Variants in RHOBTB2 observed in about 807,000 individuals in gnomAD.
RHOBTB2 encodes the protein Rho related BTB domain containing 2, also known as rho-related BTB domain-containing protein 2.
Under a neutral mutation model 66.5 loss-of-function variants are expected in RHOBTB2, and 39 were observed. The observed-to-expected ratio is 0.59, with a 90% CI of 0.45 to 0.77. RHOBTB2 has a LOEUF of 0.77. Among genes scored for constraint, RHOBTB2 ranks in the 30% least tolerant of loss-of-function variants. The pLI, the probability that RHOBTB2 is intolerant of heterozygous loss-of-function variation, is 0.00. For synonymous variants in RHOBTB2, 390 were observed against 395.0 expected (o/e 0.99, Z 0.15); for missense variants, 755 against 999.1 (o/e 0.76, Z 3.29).
intron 1 of RHOBTB2, among the ~76,000 whole-genome samples, chr8:22,988,274 C>T (rs764029436): frequency 1.9e-4 from 28 of 150,330 alleles, no homozygotes; most frequent in Non-Finnish European, 3.1e-4. Flanking sequence ...ATTCTCCTGC[C>T]TTAGCCTCCC....
chr8:23,017,535 C>T lies in RHOBTB2; in HGVS notation c.*66C>T, dbSNP rs575807643. The T allele has an allele frequency of 8.4e-6, 13 of 1,542,724 alleles. No individual in the cohort carries two copies. The highest frequency in any genetic ancestry group is 5.5e-5 in the African/African-American group (4 of 73,034). ...ATCCGCCTTCACCCCTCTGCTCTTC[C>T]GCATCACCCCATCCACCTTACAGGG... On this transcript the variant is annotated 3_prime_UTR_variant, in exon 10 of 10. Coordinates refer to ENST00000251822, the MANE Select transcript of RHOBTB2 (RefSeq NM_015178.3). The surrounding 1 kb of genome is among the most constrained non-coding windows in gnomAD (Gnocchi z 5.3).
At chr8:23,013,332 C>T (rs1346356845) in intron 7 of RHOBTB2, among the ~76,000 whole-genome samples, 1 of 152,036 alleles carries the variant, frequency 6.6e-6, no homozygotes, top group Non-Finnish European at 1.5e-5. Flanking sequence ...ACCTCTCCCT[C>T]CTCTCTCACA....
the RHOBTB2 span, among the ~76,000 whole-genome samples, chr8:22,964,888 C>G: frequency 6.6e-6 from 1 of 151,766 alleles, no homozygotes; most frequent in Non-Finnish European, 1.5e-5. Context: ...GCGGTCTCAA[C>G]TCACTGCAAC....
rs774235840 is a variant in RHOBTB2 at position 23,007,758 on chromosome 8, G to A, written c.1501+12G>A. ...AGGCACCTTCTCAGGTATGGAACAG[G>A]CTTGGAAAGCAAGGGGGTTCTGCAT... is the stretch of plus-strand genomic sequence containing the variant. On this transcript the variant is annotated intron_variant, in intron 5 of 9. Transcript: ENST00000251822. 27 of 1,609,504 alleles carry A rather than the reference G, an allele frequency of 1.7e-5. No homozygotes were observed. Among genetic ancestry groups the A allele is most frequent in the Non-Finnish European group, 2.2e-5 (26 of 1,177,078 alleles).
Position 23,017,273 on chromosome 8 carries a change from A to C in RHOBTB2, c.1988A>C (p.Lys663Thr). 6.2e-7 allele frequency: 1 copy of C among 1,614,154 alleles called. No individual in the cohort carries two copies. The highest frequency in any genetic ancestry group is 8.5e-7 in the Non-Finnish European group (1 of 1,180,024). The stretch of plus-strand genomic sequence containing the variant: ...CCAGAAAACCAGGAGTATTTCGAGA[A>C]GCATCGGTGGCCACCTGTGTGGTAC... ...MSPENQEYFE[K>T]HRWPPVWYLK... The change falls in exon 10 of 10, where the codon AAG becomes ACG. Residue 663 changes from lysine (K) to threonine (T), a missense_variant. Around this residue, in one of 7 missense-constraint regions of RHOBTB2, gnomAD observed 353 missense variants for 458.2 expected, o/e 0.77. Coordinates refer to ENST00000251822, the MANE Select transcript of RHOBTB2 (RefSeq NM_015178.3). The surrounding 1 kb of genome is among the most constrained non-coding windows in gnomAD (Gnocchi z 5.3).
intron 7 of RHOBTB2, 89 bp from the exon 8 acceptor site, chr8:23,014,601 C>T (rs1811237019): frequency 2.5e-5 from 31 of 1,244,320 alleles, no homozygotes; most frequent in Non-Finnish European, 3.5e-5. Context: ...TGGTTTTCCT[C>T]ACCCTGAAGT....
intron 8 of RHOBTB2, 104 bp from the exon 9 acceptor site, chr8:23,015,534 C>A: frequency 2.7e-6 from 2 of 734,310 alleles, no homozygotes; most frequent in Non-Finnish European, 4.6e-6. Context: ...AGGGCCTCTG[C>A]GTGCCCTGCA....
chr8:22,966,464 C>T, the RHOBTB2 span, among the ~76,000 whole-genome samples: 1 of 151,524 alleles, frequency 6.6e-6, no homozygotes, highest in Non-Finnish European at 1.5e-5. Context: ...CAAAGACATA[C>T]AAATGGCCAA....
At chr8:22,989,770 AG>A (rs1810379536) in intron 1 of RHOBTB2, among the ~76,000 whole-genome samples, 1 of 152,200 alleles carries the variant, frequency 6.6e-6, no homozygotes, top group South Asian at 2.1e-4. Context: ...TAAGATAAAG[AG>A]GGTGATTTTG....
At chr8:22,975,961 C>T in the RHOBTB2 span, among the ~76,000 whole-genome samples, 1 of 152,030 alleles carries the variant, frequency 6.6e-6, no homozygotes, top group African/African-American at 2.4e-5. Flanking sequence ...GCCTGACCAA[C>T]ATGGTGAAAC....
intron 2 of RHOBTB2, among the ~76,000 whole-genome samples, chr8:22,993,304 C>T (rs1206130332): frequency 2.6e-5 from 4 of 152,138 alleles, no homozygotes; most frequent in Admixed American, 6.5e-5. Context: ...GGACTACAGG[C>T]GTGCACCACT....
chr8:23,005,346 G>A, intron 2 of RHOBTB2, 26 bp from the exon 3 acceptor site: 1 of 1,578,012 alleles, frequency 6.3e-7, no homozygotes, highest in Non-Finnish European at 8.7e-7. Context: ...CTGCCTTCGA[G>A]TCCCACTCTT....
chr8:23,006,993 T>G lies in RHOBTB2; in HGVS notation c.748T>G (p.Ser250Ala), dbSNP rs771681603. The G allele has an allele frequency of 6.2e-7, 1 of 1,609,294 alleles. No individual in the cohort carries two copies. The highest frequency in any genetic ancestry group is 8.5e-7 in the Non-Finnish European group (1 of 1,179,554). The change falls in exon 5 of 10, where the codon TCC (serine) becomes GCC (alanine). Residue 250 changes from serine to alanine, a missense_variant. Around this residue, in one of 7 missense-constraint regions of RHOBTB2, gnomAD observed 247 missense variants for 238.9 expected, o/e 1.03. Coordinates refer to ENST00000251822, the MANE Select transcript of RHOBTB2 (RefSeq NM_015178.3). This position sits in a 1 kb window ranked among gnomAD's most constrained non-coding sequence, Gnocchi z 6.1. ...PPIIVVPDPP[S>A]SSEECPAHLL... ...GATCATCGTGGTGCCCGACCCTCCC[T>G]CCAGCAGCGAGGAGTGCCCCGCCCA...
chr8:22,994,038 G>A (rs1247128773), intron 2 of RHOBTB2, among the ~76,000 whole-genome samples: 1 of 152,188 alleles, frequency 6.6e-6, no homozygotes, highest in African/African-American at 2.4e-5. Flanking sequence ...CTTTTTCTGA[G>A]TCTCAATTTG....
chr8:22,964,111 TG>T, the RHOBTB2 span, among the ~76,000 whole-genome samples: 6 of 152,166 alleles, frequency 3.9e-5, no homozygotes, highest in East Asian at 1.9e-4. Context: ...TTTTTTGTTT[TG>T]TTTTTTTGTT....
At chr8:23,003,757 G>T (rs1015250618) in intron 1 of RHOBTB2, among the ~76,000 whole-genome samples, 2 of 152,228 alleles carry the variant, frequency 1.3e-5, no homozygotes, top group African/African-American at 4.8e-5. Context: ...CCCTGGGCTG[G>T]TCAGGTGCAT....
At chr8:22,991,979 G>A in intron 1 of RHOBTB2, 1 of 152,374 alleles carries the variant, frequency 6.6e-6, no homozygotes, top group Non-Finnish European at 1.5e-5. Flanking sequence ...CCCCTAGTCA[G>A]ACAGCCTAAT....
chr8:23,017,328 A>G lies in RHOBTB2; in HGVS notation c.2043A>G (p.Ala681=). The change falls in exon 10 of 10, where the codon GCA becomes GCG. Residue 681 remains alanine, a synonymous_variant. Transcript: ENST00000251822. This position sits in a 1 kb window ranked among gnomAD's most constrained non-coding sequence, Gnocchi z 5.3. ...AGGAGGAAGATCATTACCAGCGGGC[A>G]CGGAAGGAGCGTGAGAAGGAGGACT... ...YLKEEDHYQR[A]RKEREKEDYL... 1.9e-6 allele frequency: 3 copies of G among 1,614,206 alleles called. No individual in the cohort carries two copies. The highest frequency in any genetic ancestry group is 1.1e-5 in the South Asian group (1 of 91,086).
In RHOBTB2 at chr8:23,006,275, C is replaced by T. The variant is rs1810947942; in HGVS notation, c.482+130C>T. 2.6e-6 allele frequency: 2 copies of T among 767,722 alleles called. No homozygotes were observed. Among genetic ancestry groups the T allele is most frequent in the Non-Finnish European group, 4.3e-6 (2 of 469,322 alleles). 47.6% of individuals were successfully genotyped at this position (767,722 alleles called of 1,614,324 possible). A position where few individuals can be genotyped will look rare whatever the true frequency, so the allele number is the denominator to read the frequency against. ...TTTGGAGCAAGCTTGCATTGGGAGT[C>T]AACAAGCATGCTCATTCATTCATTC... On this transcript the variant is annotated intron_variant, in intron 4 of 9. Coordinates refer to ENST00000251822, the MANE Select transcript of RHOBTB2 (RefSeq NM_015178.3). This position sits in a 1 kb window ranked among gnomAD's most constrained non-coding sequence, Gnocchi z 6.1.
Sources: allele counts gnomAD v4.1 joint callset (sites outside exome capture counted in the v4.1 genomes callset), GRCh38; gene constraint gnomAD v4.1.1; regional missense constraint gnomAD v4.1.1; non-coding constraint Gnocchi (gnomAD v3.1); transcripts MANE v1.5; gene names NCBI Gene and HGNC (gene_info 2026-07-23, HGNC 2026-07-21).